The following HMGA1 variants were observed in gnomAD, a reference collection of about 807,000 sequenced individuals.
HMGA1 encodes the protein high mobility group AT-hook 1, also known as high mobility group protein HMG-I/HMG-Y.
In HMGA1, 1 loss-of-function variant was observed where a neutral mutation model predicts 15.1. That is an observed-to-expected ratio of 0.07 (90% CI 0.02 to 0.31). HMGA1 has a LOEUF of 0.31. Ranked by LOEUF, HMGA1 falls within the 10% of genes least tolerant of loss-of-function variation. The pLI is 1.00. For missense variants in HMGA1, 94 were observed against 141.4 expected (o/e 0.66, Z 1.70); for synonymous variants, 56 against 54.8 (o/e 1.02, Z -0.10).
In HMGA1 at chr6:34,245,260, C is replaced by G; in HGVS notation, c.*376C>G. 7.3e-7 allele frequency: 1 copy of G among 1,377,222 alleles called. No homozygotes were observed. Among genetic ancestry groups the G allele is most frequent in the Non-Finnish European group, 9.6e-7 (1 of 1,043,782 alleles). The allele number at this position is 1,377,222 out of a possible 1,614,324, so 85.3% of individuals were successfully genotyped here. A position where few individuals can be genotyped will look rare whatever the true frequency, so the allele number is the denominator to read the frequency against. ...TGGGCTTTTGGTTTGGGGGCGCCCT[C>G]TCTGCTCCTTCACTGTTCCCTCTGG... On this transcript the variant is annotated 3_prime_UTR_variant, in exon 6 of 6. Coordinates refer to ENST00000311487, the MANE Select transcript of HMGA1 (RefSeq NM_145899.3).
chr6:34,238,014 A>G (rs1028778455), intron 2 of HMGA1, among the ~76,000 whole-genome samples: 1 of 151,938 alleles, frequency 6.6e-6, no homozygotes, highest in Admixed American at 6.5e-5. Flanking sequence ...GCTCTGTTGG[A>G]ACTAGTCCCT....
chr6:34,244,430 C>T (rs1037544462), intron 5 of HMGA1, among the ~76,000 whole-genome samples: 27 of 152,096 alleles, frequency 1.8e-4, no homozygotes, highest in African/African-American at 6.5e-4. Context: ...GGTTCCCCTG[C>T]ACCCACCAGC....
intron 2 of HMGA1, among the ~76,000 whole-genome samples, chr6:34,240,437 T>C (rs1762205731): frequency 1.3e-5 from 2 of 152,130 alleles, no homozygotes; most frequent in African/African-American, 4.8e-5. Context: ...TAGCTAGGTC[T>C]GGGCTGGCTG....
chr6:34,244,109 C>T (rs1762522489), intron 5 of HMGA1, among the ~76,000 whole-genome samples: 1 of 151,746 alleles, frequency 6.6e-6, no homozygotes, highest in Admixed American at 6.6e-5. Context: ...TGGCCCTCTC[C>T]TACCCCCAGC....
chr6:34,239,309 G>A (rs193231199), intron 2 of HMGA1, among the ~76,000 whole-genome samples: 35 of 149,734 alleles, frequency 2.3e-4, no homozygotes, highest in African/African-American at 7.4e-4. Context: ...GAGTCCCACC[G>A]TATTGTCCAG....
intron 4 of HMGA1, 139 bp downstream of exon 4, chr6:34,242,934 T>A: frequency 1.4e-6 from 1 of 709,340 alleles, no homozygotes; most frequent in Non-Finnish European, 2.6e-6. Context: ...GGTACAGGGA[T>A]GGCAGTGAGT....
chr6:34,240,126 TG>T (rs1055899300), intron 2 of HMGA1, among the ~76,000 whole-genome samples: 1 of 152,198 alleles, frequency 6.6e-6, no homozygotes, highest in African/African-American at 2.4e-5. Flanking sequence ...GGATTTACCC[TG>T]GGTGAGAACA....
chr6:34,238,252 C>T (rs1761982775), intron 2 of HMGA1, among the ~76,000 whole-genome samples: 1 of 152,024 alleles, frequency 6.6e-6, no homozygotes, highest in African/African-American at 2.4e-5. Flanking sequence ...GGCCTGCGCC[C>T]CTCCCCCCGC....
chr6:34,239,498 G>A (rs555557601), intron 2 of HMGA1, among the ~76,000 whole-genome samples: 147 of 152,244 alleles, frequency 9.7e-4, no homozygotes, highest in Middle Eastern at 6.8e-3. Context: ...CTATTACCTA[G>A]TTTGATCCTT....
intron 5 of HMGA1, 67 bp from the exon 6 acceptor site, chr6:34,244,764 G>GA: frequency 7.2e-7 from 1 of 1,390,278 alleles, no homozygotes; most frequent in Non-Finnish European, 1.0e-6. Flanking sequence ...AGCGGGTGGG[G>GA]CCAGCCTCTG....
chr6:34,238,574 G>A (rs1489117786), intron 2 of HMGA1, among the ~76,000 whole-genome samples: 1 of 152,214 alleles, frequency 6.6e-6, no homozygotes. Context: ...TATTTGAGGA[G>A]CACAGTTTGC....
chr6:34,238,000 C>G (rs1334321274), intron 2 of HMGA1, among the ~76,000 whole-genome samples: 1 of 152,154 alleles, frequency 6.6e-6, no homozygotes, highest in Non-Finnish European at 1.5e-5. Context: ...CGCTGCTTTG[C>G]TGGGCTCTGT....
intron 3 of HMGA1, among the ~76,000 whole-genome samples, chr6:34,241,972 C>T (rs896984274): frequency 1.3e-5 from 2 of 152,130 alleles, no homozygotes; most frequent in Non-Finnish European, 2.9e-5. Context: ...ACCTGTTAGC[C>T]ATGGTCAGTG....
rs1323851926 is a variant in HMGA1 at position 34,245,414 on chromosome 6, C to T, written c.*530C>T. 2 of 1,360,732 alleles carry T rather than the reference C, an allele frequency of 1.5e-6. No individual in the cohort carries two copies. Among genetic ancestry groups the T allele is most frequent in the Non-Finnish European group, 1.9e-6 (2 of 1,032,858 alleles). 84.3% of individuals were successfully genotyped at this position (1,360,732 alleles called of 1,614,324 possible). A position where few individuals can be genotyped will look rare whatever the true frequency, so the allele number is the denominator to read the frequency against. ...TGGCCAATGGAGGGGGGTGCTGGCC[C>T]CCAGGATTCCCCCAGCCAAACTGTC... is the stretch of plus-strand genomic sequence containing the variant. On this transcript the variant is annotated 3_prime_UTR_variant, in exon 6 of 6. Transcript: ENST00000311487.
Position 34,245,864 on chromosome 6 carries a change from T to C in HMGA1, c.*980T>C, listed in dbSNP as rs1762706478. ...ACAAACTACCTCTGGACAGTTGTGTTGTTTTTTGTTCAATGTTCCATTCTT... is the reference window on the plus strand; with the variant it reads ...ACAAACTACCTCTGGACAGTTGTGTCGTTTTTTGTTCAATGTTCCATTCTT... On this transcript the variant is annotated 3_prime_UTR_variant, in exon 6 of 6. Coordinates refer to ENST00000311487, the MANE Select transcript of HMGA1 (RefSeq NM_145899.3). 2 of 333,678 alleles carry C rather than the reference T, an allele frequency of 6.0e-6. No homozygotes were observed. The highest frequency in any genetic ancestry group is 2.2e-5 in the African/African-American group (1 of 46,124). 20.7% of individuals were successfully genotyped at this position (333,678 alleles called of 1,614,324 possible).
chr6:34,237,157 C>CGCG (rs1384607066), intron 1 of HMGA1, 47 bp from the exon 2 acceptor site: 3 of 140,230 alleles, frequency 2.1e-5, no homozygotes, highest in Admixed American at 7.1e-5. Flanking sequence ...GCGGCGAGCA[C>CGCG]GCGGCGGCGG....
intron 2 of HMGA1, 143 bp downstream of exon 2, chr6:34,237,460 C>A (rs868791230): frequency 5.7e-4 from 82 of 143,286 alleles, no homozygotes; most frequent in African/African-American, 1.9e-3. Context: ...CGCGAGCCGG[C>A]GGCGGGGGAG....
At position 34,242,610 on chromosome 6, in the gene HMGA1, G is replaced by T. The variant is rs557004860; in HGVS notation, c.136-102G>T. The T allele has an allele frequency of 2.0e-4, 161 of 816,248 alleles. 2 individuals carry two copies. The East Asian group carries it at 4.3e-3, about 22-fold the overall frequency. The allele number at this position is 816,248 out of a possible 1,614,324, so 50.6% of individuals were successfully genotyped here. A position where few individuals can be genotyped will look rare whatever the true frequency, so the allele number is the denominator to read the frequency against. On this transcript the variant is annotated intron_variant, in intron 3 of 5. Transcript: ENST00000311487. Reference sequence around the variant, plus strand: ...GGTCAGGGATGGTTTGTGGTTCTTGGTTCTTGCTGACTTAACCTTGTTGAG... The same window carrying T: ...GGTCAGGGATGGTTTGTGGTTCTTGTTTCTTGCTGACTTAACCTTGTTGAG...
intron 2 of HMGA1, among the ~76,000 whole-genome samples, chr6:34,238,227 C>T (rs1472291715): frequency 6.6e-6 from 1 of 151,974 alleles, no homozygotes; most frequent in Non-Finnish European, 1.5e-5. Flanking sequence ...GCTGCTTTCC[C>T]GCGCCTGCAG....
Sources: allele counts gnomAD v4.1 joint callset (sites outside exome capture counted in the v4.1 genomes callset), GRCh38; gene constraint gnomAD v4.1.1; transcripts MANE v1.5; gene names NCBI Gene and HGNC (gene_info 2026-07-23, HGNC 2026-07-21).